Variants in SHC2 observed in about 807,000 individuals in gnomAD.
SHC2 encodes SHC-transforming protein 2.
A neutral mutation model predicts 60.6 loss-of-function variants in SHC2; 62 were observed. The ratio of observed to expected loss-of-function variants is 1.02; its 90% CI spans 0.83 to 1.26. The LOEUF (loss-of-function observed/expected upper bound fraction) is 1.26. Ranked by LOEUF, SHC2 falls within the 50% of genes most tolerant of loss-of-function variation. The pLI is 0.00. For missense variants in SHC2, 873 were observed against 822.2 expected (o/e 1.06, Z -0.76); for synonymous variants, 375 against 372.4 (o/e 1.01, Z -0.08).
intron 8 of SHC2, among the ~76,000 whole-genome samples, chr19:433,037 A>G (rs57066618): frequency 2.3e-4 from 1 of 4,308 alleles, no homozygotes. Flanking sequence ...AGAGGAGGCC[A>G]GGCAGATAGA....
At chr19:436,085 T>C in intron 7 of SHC2, 80 bp downstream of exon 7, 1 of 1,499,426 alleles carries the variant, frequency 6.7e-7, no homozygotes. Flanking sequence ...GGCTGAGGCC[T>C]GCAGGAGGTG....
intron 1 of SHC2, among the ~76,000 whole-genome samples, chr19:457,298 T>A (rs138072541): frequency 3.5e-5 from 5 of 142,892 alleles, no homozygotes; most frequent in Admixed American, 1.4e-4. Context: ...CCTTTGCACC[T>A]GCACCTGCTG....
intron 9 of SHC2, among the ~76,000 whole-genome samples, chr19:430,210 C>G (rs1054299607): frequency 6.7e-6 from 1 of 148,480 alleles, no homozygotes; most frequent in Non-Finnish European, 1.5e-5. Context: ...AACCTAATAC[C>G]GTGTGGATGA....
rs961676071 is a variant in SHC2 at position 438,444 on chromosome 19, G to T, written c.720+274C>A. The stretch of plus-strand genomic sequence containing the variant: ...ACCACTCTCTGGGGTGGGGCGTCCT[G>T]GCCCCTGCAGGGTGCTGAGCAGCGT... On this transcript the variant is annotated intron_variant, in intron 4 of 12. Transcript: ENST00000264554. This position sits in a 1 kb window ranked among gnomAD's most constrained non-coding sequence, Gnocchi z 5.0. Among the ~76,000 whole-genome samples, 8 of 151,448 alleles carry T rather than the reference G, an allele frequency of 5.3e-5. No individual in the cohort carries two copies. Among genetic ancestry groups the T allele is most frequent in the Admixed American group, 4.6e-4 (7 of 15,252 alleles).
chr19:436,538 G>A, intron 5 of SHC2, 92 bp downstream of exon 5: 1 of 1,582,964 alleles, frequency 6.3e-7, no homozygotes, highest in East Asian at 2.2e-5. Context: ...TGGGCACAGG[G>A]TACGTTAGGC....
Position 460,591 on chromosome 19 carries a change from C to T in SHC2, c.406G>A (p.Ala136Thr). 1.4e-6 allele frequency: 2 copies of T among 1,406,526 alleles called. No homozygotes were observed. The highest frequency in any genetic ancestry group is 1.9e-6 in the Non-Finnish European group (2 of 1,072,482). The allele number at this position is 1,406,526 out of a possible 1,614,324, so 87.1% of individuals were successfully genotyped here. The change falls in exon 1 of 13, where the codon GCG (alanine) becomes ACG (threonine). Residue 136 changes from alanine to threonine, a missense_variant. Coordinates refer to ENST00000264554, the MANE Select transcript of SHC2 (RefSeq NM_012435.3). ...GCGTCGGGGTGTAGCCAGCCGTGCG[C>T]GGGTTTGTGGATGAAGCTGCCCTTC... ...IRKGSFIHKP[A>T]HGWLHPDARV...
At position 440,587 on chromosome 19, in the gene SHC2, C is replaced by T. The variant is rs898254095; in HGVS notation, c.539+275G>A. On this transcript the variant is annotated intron_variant, in intron 2 of 12. Coordinates refer to ENST00000264554, the MANE Select transcript of SHC2 (RefSeq NM_012435.3). The surrounding 1 kb of genome is among the most constrained non-coding windows in gnomAD (Gnocchi z 7.0). ...AGAGGGAACCCGCCAGGCCCTGCAC[C>T]CCACGCCGTGCGGGGACTTGCCCAG... Among the ~76,000 whole-genome samples, 3 of 152,218 alleles carry T rather than the reference C, an allele frequency of 2.0e-5. No individual in the cohort carries two copies. Among genetic ancestry groups the T allele is most frequent in the Non-Finnish European group, 4.4e-5 (3 of 68,038 alleles).
intron 1 of SHC2, among the ~76,000 whole-genome samples, chr19:447,229 TC>T (rs1387771685): frequency 2.2e-5 from 3 of 138,272 alleles, no homozygotes; most frequent in African/African-American, 8.1e-5. Context: ...CAGCGTGTGA[TC>T]CCATTTCTAT....
In SHC2 at chr19:425,153, T is replaced by C; in HGVS notation, c.1253A>G (p.Gln418Arg). ...CTCCGGCTCGGGGGCGTCCAGACCC[T>C]GGGTGTTGACATACAGGTGCTCCTC... ...DHEEHLYVNT[Q>R]GLDAPEPEDS... The change falls in exon 10 of 13, where the codon CAG (glutamine) becomes CGG (arginine). Residue 418 changes from glutamine to arginine, a missense_variant. Coordinates refer to ENST00000264554, the MANE Select transcript of SHC2 (RefSeq NM_012435.3). This position sits in a 1 kb window ranked among gnomAD's most constrained non-coding sequence, Gnocchi z 4.1. 4 of 1,382,962 alleles carry C rather than the reference T, an allele frequency of 2.9e-6. No homozygotes were observed. Among genetic ancestry groups the C allele is most frequent in the South Asian group, 1.9e-5 (1 of 51,798 alleles). 85.7% of individuals were successfully genotyped at this position (1,382,962 alleles called of 1,614,324 possible). A position where few individuals can be genotyped will look rare whatever the true frequency, so the allele number is the denominator to read the frequency against.
intron 9 of SHC2, among the ~76,000 whole-genome samples, chr19:429,544 T>G (rs12982041): frequency 0.023 from 1,609 of 70,128 alleles, 18 homozygotes; most frequent in Non-Finnish European, 0.036. Context: ...AGTACCTATA[T>G]CCAACGTGCA....
At chr19:430,222 G>A (rs1417645872) in intron 9 of SHC2, among the ~76,000 whole-genome samples, 4 of 144,426 alleles carry the variant, frequency 2.8e-5, no homozygotes, top group African/African-American at 7.9e-5. Flanking sequence ...TGTGGATGAC[G>A]CAGTATGTAT....
In SHC2 at chr19:422,593, G is replaced by T. The variant is rs1319043733; in HGVS notation, c.1310-137C>A. ...CCTGCGCTGACCGAGCGCCCACAGCGTATCAGACTCGCACTCTGCCCAGCC... is the reference window on the plus strand; with the variant it reads ...CCTGCGCTGACCGAGCGCCCACAGCTTATCAGACTCGCACTCTGCCCAGCC... On this transcript the variant is annotated intron_variant, in intron 10 of 12. Coordinates refer to ENST00000264554, the MANE Select transcript of SHC2 (RefSeq NM_012435.3). This position sits in a 1 kb window ranked among gnomAD's most constrained non-coding sequence, Gnocchi z 5.0. The T allele has an allele frequency of 7.4e-6, 5 of 680,110 alleles. No homozygotes were observed. The highest frequency in any genetic ancestry group is 5.9e-5 in the Admixed American group (2 of 33,650). The allele number at this position is 680,110 out of a possible 1,614,324, so 42.1% of individuals were successfully genotyped here. A position where few individuals can be genotyped will look rare whatever the true frequency, so the allele number is the denominator to read the frequency against.
chr19:450,806 G>A (rs557627619), intron 1 of SHC2, among the ~76,000 whole-genome samples: 36 of 149,698 alleles, frequency 2.4e-4, no homozygotes, highest in African/African-American at 7.4e-4. Flanking sequence ...TGGCCACGCC[G>A]TGGCCACGTC....
chr19:448,257 G>A (rs191841529), intron 1 of SHC2, among the ~76,000 whole-genome samples: 2 of 152,350 alleles, frequency 1.3e-5, no homozygotes, highest in East Asian at 3.9e-4. Context: ...GCCACACCTG[G>A]GGGCCACGGG....
rs1175974065 is a variant in SHC2 at position 460,833 on chromosome 19, C to A, written c.164G>T (p.Gly55Val). The A allele has an allele frequency of 2.3e-5, 23 of 983,046 alleles. No individual in the cohort carries two copies. Among genetic ancestry groups the A allele is most frequent in the Admixed American group, 6.3e-5 (1 of 15,790 alleles). The allele number at this position is 983,046 out of a possible 1,614,324, so 60.9% of individuals were successfully genotyped here. A position where few individuals can be genotyped will look rare whatever the true frequency, so the allele number is the denominator to read the frequency against. ...TTGGGGGTCCGCGCCCCCCGAGGCC[C>A]CAGCCGCCCGCGCCGCCGCCGGGCC... is the stretch of plus-strand genomic sequence containing the variant. The part of the protein sequence containing the change: ...GRGPAAARAA[G>V]ASGGADPQPE... Residue 55 changes from glycine (G) to valine (V), a missense_variant, in exon 1 of 13, where the codon GGG becomes GTG. Physicochemically the swap from Gly to Val is moderately radical, Grantham distance 109. Coordinates refer to ENST00000264554, the MANE Select transcript of SHC2 (RefSeq NM_012435.3).
intron 1 of SHC2, among the ~76,000 whole-genome samples, chr19:456,768 C>A (rs112972411): frequency 0.017 from 2,592 of 150,694 alleles, 92 homozygotes; most frequent in African/African-American, 0.06. Flanking sequence ...ACCTGCTGTG[C>A]CCCGTCTAGA....
chr19:419,139 C>A, intron 11 of SHC2, 83 bp from the exon 12 acceptor site: 1 of 1,449,284 alleles, frequency 6.9e-7, no homozygotes, highest in South Asian at 1.4e-5. Context: ...GGGGTCCTGC[C>A]GGGGAGCCCC....
chr19:442,130 C>A (rs1974886910), intron 1 of SHC2, among the ~76,000 whole-genome samples: 1 of 152,162 alleles, frequency 6.6e-6, no homozygotes, highest in South Asian at 2.1e-4. Flanking sequence ...AGGGCATGGA[C>A]TAAGCAGCCT....
In SHC2 at chr19:440,025, C is replaced by CA. The variant is rs60912837; in HGVS notation, c.539+836dup. On this transcript the variant is annotated intron_variant, in intron 2 of 12. Coordinates refer to ENST00000264554, the MANE Select transcript of SHC2 (RefSeq NM_012435.3). The surrounding 1 kb of genome is among the most constrained non-coding windows in gnomAD (Gnocchi z 7.0). Reference sequence around the variant, plus strand: ...TGGGCAACAGAGTGAGACTCCATCTCAAAAAAAAAAAAAAAAAAGGAGCAA... The same window carrying CA: ...TGGGCAACAGAGTGAGACTCCATCTCAAAAAAAAAAAAAAAAAAAGGAGCAA... Among the ~76,000 whole-genome samples, 2,148 of 66,274 alleles carry CA rather than the reference C, an allele frequency of 0.032. 128 individuals carry two copies. Among genetic ancestry groups the CA allele is most frequent in the African/African-American group, 0.095 (1,852 of 19,396 alleles). The allele number at this position is 66,274 out of a possible 152,430, so 43.5% of individuals were successfully genotyped here.
Sources: gnomAD v4.1 joint callset for allele counts (sites outside exome capture counted in the v4.1 genomes callset) on GRCh38, gnomAD v4.1.1 for gene constraint, Gnocchi (gnomAD v3.1) non-coding constraint, MANE v1.5 for transcripts, NCBI Gene and HGNC (gene_info 2026-07-23, HGNC 2026-07-21) for gene names.